The following ABHD5 variants were observed in gnomAD, a reference collection of about 807,000 sequenced individuals.
The protein encoded by ABHD5 is abhydrolase domain containing 5, lysophosphatidic acid acyltransferase.
A neutral mutation model predicts 44.9 loss-of-function variants in ABHD5; 30 were observed. The ratio of observed to expected loss-of-function variants is 0.67; its 90% CI spans 0.50 to 0.91. The LOEUF (loss-of-function observed/expected upper bound fraction) is 0.91. Ranked by LOEUF, ABHD5 falls within the 40% of genes least tolerant of loss-of-function variation. The probability of loss-of-function intolerance (pLI) is 0.00; values close to 1 mark genes in which losing one functional copy is unlikely to be tolerated. For synonymous variants in ABHD5, 167 were observed against 147.0 expected (o/e 1.14, Z -0.99); for missense variants, 399 against 423.4 (o/e 0.94, Z 0.50).
chr3:43,693,109 T>G lies in ABHD5; in HGVS notation c.47+2070T>G, dbSNP rs2084421549. Among the ~76,000 whole-genome samples, 3 of 152,214 alleles carry G rather than the reference T, an allele frequency of 2.0e-5. No homozygotes were observed. The South Asian group carries it at 6.2e-4, about 32-fold the overall frequency. ...TAGAGTAGACTTCTGTGAATTGCTT[T>G]AAGTTGTCCTAGAGAATGATTTAGT... On this transcript the variant is annotated intron_variant, in intron 1 of 6. Coordinates refer to ENST00000644371, the MANE Select transcript of ABHD5 (RefSeq NM_016006.6).
chr3:43,705,138 A>G (rs2084599191), intron 3 of ABHD5, among the ~76,000 whole-genome samples: 1 of 152,218 alleles, frequency 6.6e-6, no homozygotes, highest in South Asian at 2.1e-4. Context: ...ATTTTGAAAA[A>G]GAGAATTATA....
rs141983275 is a variant in ABHD5 at position 43,696,879 on chromosome 3, A to G, written c.48-2397A>G. Among the ~76,000 whole-genome samples, 99 of 152,126 alleles carry G rather than the reference A, an allele frequency of 6.5e-4. 2 individuals are homozygous for G. The highest frequency in any genetic ancestry group is 2.3e-3 in the African/African-American group (96 of 41,502). ...TCTTGCTATGTTTTGTTAAATATATATTTTTCTGTTAGAAAAAAACCCACT... is the reference window on the plus strand; with the variant it reads ...TCTTGCTATGTTTTGTTAAATATATGTTTTTCTGTTAGAAAAAAACCCACT... On this transcript the variant is annotated intron_variant, in intron 1 of 6. Coordinates refer to ENST00000644371, the MANE Select transcript of ABHD5 (RefSeq NM_016006.6).
chr3:43,706,445 G>A (rs1361253553), intron 3 of ABHD5, among the ~76,000 whole-genome samples: 8 of 151,522 alleles, frequency 5.3e-5, no homozygotes, highest in Non-Finnish European at 8.8e-5. Flanking sequence ...CTCTTTTTTC[G>A]ATAATGGACT....
intron 7 of ABHD5, among the ~76,000 whole-genome samples, chr3:43,731,819 G>C (rs932836997): frequency 2.6e-5 from 4 of 151,960 alleles, no homozygotes; most frequent in African/African-American, 9.7e-5. Context: ...GGTAAGAAGA[G>C]TGAAACTCCG....
chr3:43,701,882 G>A (rs753950638), intron 2 of ABHD5: 10 of 195,802 alleles, frequency 5.1e-5, no homozygotes, highest in Non-Finnish European at 9.4e-5. Context: ...TAATGGGTTC[G>A]GTAACCACTA....
rs1278382391 is a variant in ABHD5, at chr3:43,719,583, G to A, written c.*1051G>A. On this transcript the variant is annotated 3_prime_UTR_variant, in exon 7 of 7. Coordinates refer to ENST00000644371, the MANE Select transcript of ABHD5 (RefSeq NM_016006.6). Reference sequence around the variant, plus strand: ...GTTGCTGTTGTTTATTAAGAGTATTGTGTTAATTAAATCATTACATACTTG... The same window carrying A: ...GTTGCTGTTGTTTATTAAGAGTATTATGTTAATTAAATCATTACATACTTG... 6.6e-6 allele frequency: 1 copy of A among 152,124 alleles called. No homozygotes were observed. The allele number at this position is 152,124 out of a possible 1,614,324, so 9.4% of individuals were successfully genotyped here. A position where few individuals can be genotyped will look rare whatever the true frequency, so the allele number is the denominator to read the frequency against.
chr3:43,702,722 C>T (rs2084560195), intron 3 of ABHD5, 135 bp downstream of exon 3: 5 of 1,169,286 alleles, frequency 4.3e-6, no homozygotes, highest in Non-Finnish European at 6.4e-6. Flanking sequence ...GACCACACCA[C>T]AACTGATGAC....
chr3:43,698,498 G>C (rs541713588), intron 1 of ABHD5, among the ~76,000 whole-genome samples: 1 of 152,302 alleles, frequency 6.6e-6, no homozygotes, highest in East Asian at 1.9e-4. Flanking sequence ...TTTGGTTTGT[G>C]ACTGCCAGGC....
At chr3:43,705,178 T>G (rs1575602247) in intron 3 of ABHD5, among the ~76,000 whole-genome samples, 1 of 152,324 alleles carries the variant, frequency 6.6e-6, no homozygotes. Flanking sequence ...CTAACAATTT[T>G]ATGTTCTTTT....
At chr3:43,711,569 C>G in intron 3 of ABHD5, 140 bp from the exon 4 acceptor site, 1 of 887,978 alleles carries the variant, frequency 1.1e-6, no homozygotes, top group Non-Finnish European at 1.8e-6. Context: ...GAGCATGATA[C>G]GATCTATTTA....
At position 43,719,888 on chromosome 3, in the gene ABHD5, T is replaced by A. The variant is rs1247996210; in HGVS notation, c.*1356T>A. On this transcript the variant is annotated 3_prime_UTR_variant, in exon 7 of 7. Transcript: ENST00000644371. The stretch of plus-strand genomic sequence containing the variant: ...TGAACTAGAGCAAATAGTGGTTTAA[T>A]GGTTTTGTTATTGCATTTTTAAAAT... 6.6e-6 allele frequency: 1 copy of A among 152,228 alleles called. No individual in the cohort carries two copies. The highest frequency in any genetic ancestry group is 1.5e-5 in the Non-Finnish European group (1 of 68,026). The allele number at this position is 152,228 out of a possible 1,614,324, so 9.4% of individuals were successfully genotyped here.
intron 1 of ABHD5, among the ~76,000 whole-genome samples, chr3:43,696,545 G>A (rs2084475997): frequency 6.6e-6 from 1 of 152,220 alleles, no homozygotes; most frequent in African/African-American, 2.4e-5. Context: ...CCGAAGACAG[G>A]AGGTAGAGTT....
At position 43,691,157 on chromosome 3, in the gene ABHD5, C is replaced by T. The variant is rs1215971299; in HGVS notation, c.47+118C>T. The T allele has an allele frequency of 5.6e-5, 58 of 1,041,298 alleles. 1 individual carries two copies. Among genetic ancestry groups the T allele is most frequent in the Admixed American group, 8.5e-5 (2 of 23,454 alleles). 64.5% of individuals were successfully genotyped at this position (1,041,298 alleles called of 1,614,324 possible). A position where few individuals can be genotyped will look rare whatever the true frequency, so the allele number is the denominator to read the frequency against. On this transcript the variant is annotated intron_variant, in intron 1 of 6. Coordinates refer to ENST00000644371, the MANE Select transcript of ABHD5 (RefSeq NM_016006.6). The stretch of plus-strand genomic sequence containing the variant: ...CCGCCCGCCTGGCGACGACGGGCGG[C>T]TTCCTCGACCCTCCCCGGCATGAGT...
chr3:43,725,436 T>G (rs1389676737), downstream of ABHD5, among the ~76,000 whole-genome samples: 1 of 152,242 alleles, frequency 6.6e-6, no homozygotes, highest in African/African-American at 2.4e-5. Context: ...CTCCAAGATT[T>G]AAAAATTTAA....
chr3:43,718,411 CACTA>C, intron 6 of ABHD5, 28 bp from the exon 7 acceptor site: 3 of 1,563,258 alleles, frequency 1.9e-6, no homozygotes, highest in Middle Eastern at 1.7e-4. Context: ...TGCTTTTACT[CACTA>C]ACTGTCTGAA....
chr3:43,729,579 A>G (rs2084900293), intron 7 of ABHD5, among the ~76,000 whole-genome samples: 1 of 152,210 alleles, frequency 6.6e-6, no homozygotes, highest in Non-Finnish European at 1.5e-5. Flanking sequence ...TTCTTTCTTC[A>G]TAGTGTTGCC....
intron 1 of ABHD5, among the ~76,000 whole-genome samples, chr3:43,693,932 T>C (rs993300263): frequency 2.6e-5 from 4 of 152,080 alleles, no homozygotes; most frequent in African/African-American, 9.7e-5. Flanking sequence ...TTGTCAGATG[T>C]TTGTGCCTGA....
At chr3:43,703,214 C>G (rs866469695) in intron 3 of ABHD5, among the ~76,000 whole-genome samples, 1 of 149,642 alleles carries the variant, frequency 6.7e-6, no homozygotes, top group Non-Finnish European at 1.5e-5. Flanking sequence ...GAAGCTCGCT[C>G]TGTCACCCAG....
chr3:43,715,110 T>TGTGTGTGA, intron 5 of ABHD5, 52 bp downstream of exon 5: 1 of 1,207,390 alleles, frequency 8.3e-7, no homozygotes, highest in Non-Finnish European at 1.2e-6. Flanking sequence ...TGTGTGTGTG[T>TGTGTGTGA]GTGTGTGTGT....
Sources: allele counts gnomAD v4.1 joint callset (sites outside exome capture counted in the v4.1 genomes callset), GRCh38; gene constraint gnomAD v4.1.1; transcripts MANE v1.5; gene names NCBI Gene and HGNC (gene_info 2026-07-23, HGNC 2026-07-21).